The following HEXIM2 variants were observed in gnomAD, a reference collection of about 807,000 sequenced individuals.
HEXIM2 encodes the protein HEXIM P-TEFb complex subunit 2.
For missense variants in HEXIM2, 413 were observed against 390.8 expected (o/e 1.06, Z -0.48); for synonymous variants, 159 against 162.7 (o/e 0.98, Z 0.17).
At position 45,162,830 on chromosome 17, in the gene HEXIM2, G is replaced by C; in HGVS notation, c.37G>C (p.Glu13Gln). 6.2e-7 allele frequency: 1 copy of C among 1,613,778 alleles called. No individual in the cohort carries two copies. Among genetic ancestry groups the C allele is most frequent in the Non-Finnish European group, 8.5e-7 (1 of 1,179,988 alleles). ...TCCGAACCAGACCGCCTGTAATGCA[G>C]AGTCACCAGTGGCCCTGGAGGAGGC... ...ATPNQTACNA[E>Q]SPVALEEAKT... The change falls in exon 3 of 4, where the codon GAG (glutamate) becomes CAG (glutamine). Residue 13 changes from glutamate (E) to glutamine (Q), a missense_variant. Transcript: ENST00000589230.
intron 3 of HEXIM2, among the ~76,000 whole-genome samples, chr17:45,167,712 C>T (rs750406925): frequency 2.2e-4 from 33 of 151,964 alleles, no homozygotes; most frequent in East Asian, 3.9e-4. Flanking sequence ...CTGCAAGCTC[C>T]GCGTCCCGAC....
At position 45,169,254 on chromosome 17, in the gene HEXIM2, G is replaced by A; in HGVS notation, c.306G>A (p.Trp102Ter). ...RRRPSKRKRH[W>*]RPYLELSWAE... The stretch of plus-strand genomic sequence containing the variant: ...GGCCATCGAAGCGCAAAAGGCACTG[G>A]CGACCCTACCTGGAGCTGAGCTGGG... The change falls in exon 4 of 4, where the codon TGG (tryptophan) becomes TGA (stop). Residue 102 changes from tryptophan (W) to a stop codon, truncating the protein, a stop_gained. Coordinates refer to ENST00000589230, the MANE Select transcript of HEXIM2 (RefSeq NM_001303441.2). LOFTEE classifies it low-confidence loss of function (END_TRUNC). 6.2e-7 allele frequency: 1 copy of A among 1,613,810 alleles called. No homozygotes were observed.
intron 3 of HEXIM2, among the ~76,000 whole-genome samples, chr17:45,167,099 G>T (rs1274389182): frequency 6.7e-6 from 1 of 150,170 alleles, no homozygotes; most frequent in Non-Finnish European, 1.5e-5. Flanking sequence ...GCCAAGGTGG[G>T]CAGATTACTT....
At position 45,169,772 on chromosome 17, in the gene HEXIM2, G is replaced by A; in HGVS notation, c.824G>A (p.Arg275Gln). The change falls in exon 4 of 4, where the codon CGA becomes CAA. Residue 275 changes from arginine (R) to glutamine (Q), a missense_variant. By Grantham distance (43) the Arg-to-Gln change is conservative. Coordinates refer to ENST00000589230, the MANE Select transcript of HEXIM2 (RefSeq NM_001303441.2). ...CGTCAGGAGAACCAGATGTGGAACC[G>A]AGAGGGCTGCCGCTGTGATGAGGAG... is the stretch of plus-strand genomic sequence containing the variant. ...RLRQENQMWN[R>Q]EGCRCDEEPG... is the part of the protein sequence containing the mutation. 2 of 1,457,598 alleles carry A rather than the reference G, an allele frequency of 1.4e-6. No individual in the cohort carries two copies. The highest frequency in any genetic ancestry group is 9.0e-7 in the Non-Finnish European group (1 of 1,105,408). 90.3% of individuals were successfully genotyped at this position (1,457,598 alleles called of 1,614,324 possible).
upstream of HEXIM2, chr17:45,160,879 G>A (rs1018004784): frequency 2.0e-5 from 26 of 1,288,240 alleles, no homozygotes; most frequent in African/African-American, 3.0e-5. Flanking sequence ...GGTTGCTACA[G>A]TAGTTTAAGA....
At chr17:45,163,610 G>C (rs557286313) in intron 3 of HEXIM2, among the ~76,000 whole-genome samples, 18 of 152,190 alleles carry the variant, frequency 1.2e-4, no homozygotes, top group South Asian at 2.1e-4. Flanking sequence ...AATTTGGAAT[G>C]GACCCAGGCA....
At chr17:45,163,637 C>G (rs946506689) in intron 3 of HEXIM2, among the ~76,000 whole-genome samples, 1 of 152,098 alleles carries the variant, frequency 6.6e-6, no homozygotes, top group Non-Finnish European at 1.5e-5. Context: ...TCACTTGAGA[C>G]CAGAAGTTCA....
rs773909874 is a variant in HEXIM2, at chr17:45,162,744, A to C, written c.-44-6A>C. On this transcript the variant is annotated splice_polypyrimidine_tract_variant and splice_region_variant and intron_variant, in intron 2 of 3. Transcript: ENST00000589230. ...GGATTTAGGTTTCTGTTGTTGTTCA[A>C]AGCAGGTGTCACTAGTTCCAGGCGT... 1 of 1,613,228 alleles carries C rather than the reference A, an allele frequency of 6.2e-7. No individual in the cohort carries two copies. The highest frequency in any genetic ancestry group is 2.2e-5 in the East Asian group (1 of 44,862).
chr17:45,167,054 A>G (rs1280238636), intron 3 of HEXIM2, among the ~76,000 whole-genome samples: 3 of 126,696 alleles, frequency 2.4e-5, no homozygotes, highest in African/African-American at 3.0e-5. Flanking sequence ...GCCCAGGTGC[A>G]GTGGCTCATG....
chr17:45,169,037 C>T lies in HEXIM2; in HGVS notation c.89C>T (p.Pro30Leu), dbSNP rs780558286. 1.9e-6 allele frequency: 3 copies of T among 1,612,428 alleles called. No homozygotes were observed. The highest frequency in any genetic ancestry group is 1.7e-6 in the Non-Finnish European group (2 of 1,179,002). ...TAGACCTCTGGTGCCCCGGGGAGCC[C>T]CCAAACACCCCCTGAGCGTCATGAC... ...EAKTSGAPGS[P>L]QTPPERHDSG... Residue 30 changes from proline to leucine, a missense_variant, in exon 4 of 4, where the codon CCC (proline) becomes CTC (leucine). Transcript: ENST00000589230.
In HEXIM2 at chr17:45,162,756, C is replaced by G. The variant is rs771447889; in HGVS notation, c.-38C>G. On this transcript the variant is annotated 5_prime_UTR_variant, in exon 3 of 4. Transcript: ENST00000589230. The stretch of plus-strand genomic sequence containing the variant: ...CTGTTGTTGTTCAAAGCAGGTGTCA[C>G]TAGTTCCAGGCGTCTGCTGAAAGAT... 1.4e-4 allele frequency: 227 copies of G among 1,613,538 alleles called. 1 individual carries two copies. Among genetic ancestry groups the G allele is most frequent in the Non-Finnish European group, 9.2e-5 (109 of 1,179,788 alleles).
At chr17:45,165,395 A>C (rs1026254472) in intron 3 of HEXIM2, among the ~76,000 whole-genome samples, 2 of 152,096 alleles carry the variant, frequency 1.3e-5, no homozygotes, top group Non-Finnish European at 2.9e-5. Context: ...ATTCCTCAGT[A>C]CACACCCTGT....
chr17:45,162,698 A>T, intron 2 of HEXIM2, 52 bp from the exon 3 acceptor site: 1 of 1,602,330 alleles, frequency 6.2e-7, no homozygotes, highest in Non-Finnish European at 8.5e-7. Flanking sequence ...GGGCAGCCAG[A>T]GTATTCCTGA....
At chr17:45,168,893 G>C (rs1280599556) in intron 3 of HEXIM2, 122 bp from the exon 4 acceptor site, 1 of 923,930 alleles carries the variant, frequency 1.1e-6, no homozygotes, top group Admixed American at 2.3e-5. Flanking sequence ...AGGTTGAGGG[G>C]CTAAGAGTGA....
At chr17:45,164,670 G>A (rs976704084) in intron 3 of HEXIM2, among the ~76,000 whole-genome samples, 1 of 152,102 alleles carries the variant, frequency 6.6e-6, no homozygotes, top group South Asian at 2.1e-4. Flanking sequence ...GGTGGGGGTA[G>A]GATATAACCC....
chr17:45,162,378 G>A (rs2042722792), intron 1 of HEXIM2, 110 bp from the exon 2 acceptor site: 2 of 830,710 alleles, frequency 2.4e-6, no homozygotes, highest in Non-Finnish European at 3.0e-6. Flanking sequence ...CAGCAGCCCC[G>A]CTGCACTCCC....
In HEXIM2 at chr17:45,162,773, C is replaced by T. The variant is rs1186591357; in HGVS notation, c.-21C>T. On this transcript the variant is annotated 5_prime_UTR_variant, in exon 3 of 4. Transcript: ENST00000589230. ...AGGTGTCACTAGTTCCAGGCGTCTG[C>T]TGAAAGATTTGGAACAGAAGATGAT... is the stretch of plus-strand genomic sequence containing the variant. 6.2e-7 allele frequency: 1 copy of T among 1,613,876 alleles called. No homozygotes were observed. The highest frequency in any genetic ancestry group is 1.7e-5 in the Admixed American group (1 of 60,002).
chr17:45,165,778 ATT>A (rs2042827323), intron 3 of HEXIM2, among the ~76,000 whole-genome samples: 1 of 151,408 alleles, frequency 6.6e-6, no homozygotes, highest in African/African-American at 2.4e-5. Context: ...TTTTAATTTA[ATT>A]TAATTTAATT....
At chr17:45,165,076 T>G (rs2042802625) in intron 3 of HEXIM2, among the ~76,000 whole-genome samples, 1 of 152,116 alleles carries the variant, frequency 6.6e-6, no homozygotes, top group African/African-American at 2.4e-5. Flanking sequence ...GCACTTCTAC[T>G]GAGGGCTGGG....
Sources: allele counts gnomAD v4.1 joint callset (sites outside exome capture counted in the v4.1 genomes callset), GRCh38; gene constraint gnomAD v4.1.1; transcripts MANE v1.5; gene names NCBI Gene and HGNC (gene_info 2026-07-23, HGNC 2026-07-21).